RBFOX3: variants seen among roughly 807,000 people sequenced by gnomAD.
RBFOX3 encodes RNA binding protein fox-1 homolog 3.
Under a neutral mutation model 48.7 loss-of-function variants are expected in RBFOX3, and 17 were observed. That is an observed-to-expected ratio of 0.35 (90% CI 0.24 to 0.52). The LOEUF is 0.52. Ranked by LOEUF, RBFOX3 falls within the 20% of genes least tolerant of loss-of-function variation. RBFOX3 has a pLI of 0.94. For synonymous variants in RBFOX3, 212 were observed against 209.5 expected, an observed-to-expected ratio of 1.01 and a Z score of -0.10; for missense variants, 382 against 497.5, an observed-to-expected ratio of 0.77 and a Z score of 2.21.
chr17:79,352,628 T>C (rs2084178106), intron 2 of RBFOX3, among the ~76,000 whole-genome samples: 1 of 152,148 alleles, frequency 6.6e-6, no homozygotes, highest in Admixed American at 6.5e-5. Flanking sequence ...AGGTAAAAAC[T>C]CCATGATGTC....
At chr17:79,474,012 G>A (rs1190273099) in intron 2 of RBFOX3, among the ~76,000 whole-genome samples, 3 of 152,192 alleles carry the variant, frequency 2.0e-5, no homozygotes, top group South Asian at 2.1e-4. Flanking sequence ...CTTGCAAATC[G>A]GGTAAAAGAA....
Position 79,143,380 on chromosome 17 carries a change from T to TG in RBFOX3, c.-33-27633dup, listed in dbSNP as rs201977497. ...CTGTCCTTGTTGGTGGAGCGGGGGG[T>TG]GGGGGGGGGTTCTATAAATCCATCT... On this transcript the variant is annotated intron_variant, in intron 4 of 14. Transcript: ENST00000693108. Among the ~76,000 whole-genome samples the TG allele has an allele frequency of 7.8e-3, 182 of 23,284 alleles. 3 individuals are homozygous for TG. Among genetic ancestry groups the TG allele is most frequent in the East Asian group, 0.03 (16 of 532 alleles). 15.3% of individuals were successfully genotyped at this position (23,284 alleles called of 152,430 possible).
At chr17:79,592,034 CATGT>C (rs1379723837) in intron 1 of RBFOX3, among the ~76,000 whole-genome samples, 2,405 of 149,158 alleles carry the variant, frequency 0.016, 82 homozygotes, top group African/African-American at 0.057. Context: ...TGCACACATG[CATGT>C]ATGTGTATGT....
intron 3 of RBFOX3, among the ~76,000 whole-genome samples, chr17:79,238,641 C>T (rs62062904): frequency 6.6e-5 from 10 of 152,236 alleles, no homozygotes; most frequent in African/African-American, 9.6e-5. Flanking sequence ...CACCCCACCC[C>T]ATCCAACCCA....
intron 5 of RBFOX3, among the ~76,000 whole-genome samples, chr17:79,114,552 G>A (rs924609222): frequency 1.3e-5 from 2 of 152,204 alleles, no homozygotes; most frequent in East Asian, 1.9e-4. Flanking sequence ...CTGCGTCCAC[G>A]CAGCACGCTG....
rs2057422044 is a variant in RBFOX3, at chr17:79,205,932, T to C, written c.-34+29834A>G. On this transcript the variant is annotated intron_variant, in intron 4 of 14. Coordinates refer to ENST00000693108, the MANE Select transcript of RBFOX3 (RefSeq NM_001350451.2). The surrounding 1 kb of genome is among the most constrained non-coding windows in gnomAD (Gnocchi z 4.5). ...TTGCTGCAAGGCTGCAATCATTCTC[T>C]TGCTCTTTTCCACAATATAGTCTGC... 6.6e-6 allele frequency among the ~76,000 whole-genome samples: 1 copy of C among 152,112 alleles called. No individual in the cohort carries two copies. Among genetic ancestry groups the C allele is most frequent in the African/African-American group, 2.4e-5 (1 of 41,400 alleles).
rs1020123248 is a variant in RBFOX3 at position 79,473,352 on chromosome 17, G to A, written c.-175+9102C>T. On this transcript the variant is annotated intron_variant, in intron 2 of 14. Transcript: ENST00000693108. The surrounding 1 kb of genome is among the most constrained non-coding windows in gnomAD (Gnocchi z 4.2). ...ATGGCCCTGGGTTGGTCATTTATCTGCAGCTCAGCTTCCTCACAGAGCCCG... is the reference window on the plus strand; with the variant it reads ...ATGGCCCTGGGTTGGTCATTTATCTACAGCTCAGCTTCCTCACAGAGCCCG... Among the ~76,000 whole-genome samples, 29 of 152,184 alleles carry A rather than the reference G, an allele frequency of 1.9e-4. No homozygotes were observed. The highest frequency in any genetic ancestry group is 1.3e-4 in the Non-Finnish European group (9 of 68,036).
At chr17:79,380,625 G>A (rs2059787429) in intron 2 of RBFOX3, among the ~76,000 whole-genome samples, 1 of 152,176 alleles carries the variant, frequency 6.6e-6, no homozygotes, top group South Asian at 2.1e-4. Flanking sequence ...GTGAGGGGCA[G>A]GCACTCAGGA....
chr17:79,611,183 TTCTCTCTC>T (rs1196349028), upstream of RBFOX3, among the ~76,000 whole-genome samples: 26 of 41,492 alleles, frequency 6.3e-4, no homozygotes, highest in South Asian at 9.0e-4. Flanking sequence ...TCCGCCCTCC[TTCTCTCTC>T]TCTCTCTCTC....
chr17:79,105,322 C>T (rs951269050), intron 6 of RBFOX3, among the ~76,000 whole-genome samples: 1 of 152,008 alleles, frequency 6.6e-6, no homozygotes, highest in African/African-American at 2.4e-5. Context: ...GGATGGTGCC[C>T]CTGTCCTGTA....
intron 4 of RBFOX3, among the ~76,000 whole-genome samples, chr17:79,157,211 G>C (rs1055719161): frequency 6.6e-6 from 1 of 152,156 alleles, no homozygotes; most frequent in Non-Finnish European, 1.5e-5. Context: ...CCACCCCAGG[G>C]GCCCCCACTC....
chr17:79,381,525 A>T (rs2059921953), intron 2 of RBFOX3, among the ~76,000 whole-genome samples: 1 of 152,116 alleles, frequency 6.6e-6, no homozygotes, highest in Non-Finnish European at 1.5e-5. Context: ...TGGGCCACAG[A>T]CGTGTTAGGG....
intron 2 of RBFOX3, among the ~76,000 whole-genome samples, chr17:79,397,859 C>T (rs975175615): frequency 2.0e-5 from 3 of 152,240 alleles, no homozygotes; most frequent in Non-Finnish European, 2.9e-5. Flanking sequence ...ATGCCAGCAC[C>T]GAAAGCTACA....
the RBFOX3 span, among the ~76,000 whole-genome samples, chr17:79,637,070 T>A: frequency 2.0e-5 from 3 of 152,178 alleles, no homozygotes; most frequent in Non-Finnish European, 2.9e-5. Context: ...GGTTACTATA[T>A]AATGATAAAA....
In RBFOX3 at chr17:79,480,582, T is replaced by G. The variant is rs2078634002; in HGVS notation, c.-175+1872A>C. On this transcript the variant is annotated intron_variant, in intron 2 of 14. Transcript: ENST00000693108. This position sits in a 1 kb window ranked among gnomAD's most constrained non-coding sequence, Gnocchi z 4.8. The stretch of plus-strand genomic sequence containing the variant: ...CTCTTCGTCATCTCCTTCCTCCACC[T>G]GCACAGCCCCCGGACCCCGTGATGC... 1.3e-5 allele frequency among the ~76,000 whole-genome samples: 2 copies of G among 152,162 alleles called. No individual in the cohort carries two copies. The highest frequency in any genetic ancestry group is 4.8e-5 in the African/African-American group (2 of 41,440).
intron 14 of RBFOX3, chr17:79,092,713 A>G (rs1169167594): frequency 1.3e-6 from 1 of 795,542 alleles, no homozygotes; most frequent in Admixed American, 6.2e-5. Flanking sequence ...AAAAAGAAAA[A>G]AAAAAAGGAA....
intron 1 of RBFOX3, among the ~76,000 whole-genome samples, chr17:79,592,917 C>A (rs1236199318): frequency 6.6e-6 from 1 of 152,218 alleles, no homozygotes; most frequent in Non-Finnish European, 1.5e-5. Context: ...GGCACACCCA[C>A]TACCCCACAC....
At chr17:79,125,260 G>A (rs1417736305) in intron 4 of RBFOX3, among the ~76,000 whole-genome samples, 1 of 152,224 alleles carries the variant, frequency 6.6e-6, no homozygotes, top group Non-Finnish European at 1.5e-5. Context: ...CCTGGGCTGT[G>A]CTCTGGGTGT....
chr17:79,273,713 G>A (rs999108271), intron 3 of RBFOX3, among the ~76,000 whole-genome samples: 2 of 152,172 alleles, frequency 1.3e-5, no homozygotes, highest in African/African-American at 2.4e-5. Context: ...ATGTCCGAGC[G>A]GGGCAGGTCC....
Sources: allele counts gnomAD v4.1 joint callset (sites outside exome capture counted in the v4.1 genomes callset), GRCh38; gene constraint gnomAD v4.1.1; non-coding constraint Gnocchi (gnomAD v3.1); transcripts MANE v1.5; gene names NCBI Gene and HGNC (gene_info 2026-07-23, HGNC 2026-07-21).